GLDC: variants seen among roughly 807,000 people sequenced by gnomAD.
GLDC encodes the protein glycine dehydrogenase (decarboxylating), mitochondrial.
A neutral mutation model predicts 121.3 loss-of-function variants in GLDC; 104 were observed. The observed-to-expected ratio is 0.86, with a 90% CI of 0.73 to 1.01. The LOEUF (loss-of-function observed/expected upper bound fraction) is 1.01. Among genes scored for constraint, GLDC ranks in the 50% least tolerant of loss-of-function variants. GLDC has a pLI of 0.00. For synonymous variants in GLDC, 546 were observed against 480.6 expected (o/e 1.14, Z -1.78); for missense variants, 1,429 against 1,306.6 (o/e 1.09, Z -1.44).
At chr9:6,634,781 C>T (rs1819467931) in intron 2 of GLDC, among the ~76,000 whole-genome samples, 1 of 152,130 alleles carries the variant, frequency 6.6e-6, no homozygotes, top group Non-Finnish European at 1.5e-5. Context: ...TCTCCCCTTC[C>T]ACCAAAGTTA....
chr9:6,563,522 G>A (rs1270657403), intron 16 of GLDC, among the ~76,000 whole-genome samples: 2 of 152,160 alleles, frequency 1.3e-5, no homozygotes, highest in East Asian at 3.9e-4. Flanking sequence ...CTCAGAACAT[G>A]GAAGCCATGA....
At chr9:6,633,272 T>G (rs1819429192) in intron 2 of GLDC, among the ~76,000 whole-genome samples, 4 of 152,134 alleles carry the variant, frequency 2.6e-5, no homozygotes, top group South Asian at 2.1e-4. Context: ...CCTGCCTCTC[T>G]CCTTCTGCAT....
intron 17 of GLDC, 95 bp from the exon 18 acceptor site, chr9:6,556,397 T>A: frequency 9.5e-7 from 1 of 1,053,974 alleles, no homozygotes; most frequent in African/African-American, 1.6e-5. Flanking sequence ...TGAAGAAAGA[T>A]GAAGTCTCAG....
intron 10 of GLDC, 149 bp from the exon 11 acceptor site, chr9:6,592,372 G>C: frequency 1.4e-6 from 1 of 694,428 alleles, no homozygotes; most frequent in Admixed American, 2.1e-5. Context: ...CTAAGGCTTA[G>C]AGGAAGGTGG....
In GLDC at chr9:6,645,451, C is replaced by T. The variant is rs1819727230; in HGVS notation, c.49G>A (p.Gly17Arg). The change falls in exon 1 of 25, where the codon GGG (glycine) becomes AGG (arginine). Residue 17 changes from glycine (G) to arginine (R), a missense_variant. Transcript: ENST00000321612. ...AWGLRLGRGVGGGRRLAGGSG... is the reference protein window; with the variant it reads ...AWGLRLGRGVRGGRRLAGGSG... The stretch of plus-strand genomic sequence containing the variant: ...CCCCCAGCCAGGCGGCGGCCGCCCC[C>T]GACCCCGCGGCCCAGGCGCAGCCCC... 1 of 1,257,128 alleles carries T rather than the reference C, an allele frequency of 8.0e-7. No homozygotes were observed. The highest frequency in any genetic ancestry group is 9.9e-7 in the Non-Finnish European group (1 of 1,007,942). 77.9% of individuals were successfully genotyped at this position (1,257,128 alleles called of 1,614,324 possible). A position where few individuals can be genotyped will look rare whatever the true frequency, so the allele number is the denominator to read the frequency against.
chr9:6,540,420 G>T, intron 21 of GLDC: 1 of 443,058 alleles, frequency 2.3e-6, no homozygotes, highest in African/African-American at 2.0e-5. Flanking sequence ...CAGGTGGGGG[G>T]CATTACTGAA....
At chr9:6,579,781 C>T (rs1818140150) in intron 15 of GLDC, among the ~76,000 whole-genome samples, 2 of 152,202 alleles carry the variant, frequency 1.3e-5, no homozygotes, top group South Asian at 4.1e-4. Context: ...CACGCCAGTG[C>T]CTATAACGCT....
At chr9:6,579,183 C>A (rs1253087083) in intron 15 of GLDC, among the ~76,000 whole-genome samples, 1 of 152,090 alleles carries the variant, frequency 6.6e-6, no homozygotes, top group Non-Finnish European at 1.5e-5. Context: ...ACTGATTTCA[C>A]TGGATCTTTC....
intron 24 of GLDC, 108 bp from the exon 25 acceptor site, chr9:6,533,268 C>G (rs1318748125): frequency 1.1e-6 from 1 of 938,084 alleles, no homozygotes; most frequent in Non-Finnish European, 1.8e-6. Flanking sequence ...ATCAGCCCAG[C>G]AAATATTCTG....
intron 21 of GLDC, 127 bp from the exon 22 acceptor site, chr9:6,540,273 A>G: frequency 1.4e-6 from 1 of 721,790 alleles, no homozygotes; most frequent in Non-Finnish European, 2.5e-6. Context: ...CCAAGAAGCC[A>G]TGGGCACCGG....
intron 2 of GLDC, among the ~76,000 whole-genome samples, chr9:6,644,235 ATTCCTAGATCCTTTGAGT>A (rs992755266): frequency 6.6e-6 from 1 of 151,814 alleles, no homozygotes; most frequent in African/African-American, 2.4e-5. Flanking sequence ...ACCTTAGGCA[ATTCCTAGATCCTTTGAGT>A]CTATCCGGGT....
chr9:6,618,464 C>T (rs1327855659), intron 3 of GLDC, among the ~76,000 whole-genome samples: 4 of 152,080 alleles, frequency 2.6e-5, no homozygotes, highest in African/African-American at 9.7e-5. Context: ...TGCACCACCA[C>T]GCCCAGCTAA....
chr9:6,554,612 G>T (rs1817580472), intron 19 of GLDC, 57 bp downstream of exon 19: 1 of 1,162,324 alleles, frequency 8.6e-7, no homozygotes, highest in Non-Finnish European at 1.3e-6. Context: ...GTCTATTTAG[G>T]GCCACTCCTT....
chr9:6,556,130 G>T, intron 18 of GLDC, 23 bp downstream of exon 18: 1 of 1,596,214 alleles, frequency 6.3e-7, no homozygotes. Flanking sequence ...TGGGAACTAA[G>T]GGCGGGCCTC....
At chr9:6,544,971 T>C (rs1464291404) in intron 21 of GLDC, among the ~76,000 whole-genome samples, 1 of 151,918 alleles carries the variant, frequency 6.6e-6, no homozygotes, top group Non-Finnish European at 1.5e-5. Flanking sequence ...TGGTGGTGCA[T>C]GCCTGTAATC....
intron 20 of GLDC, 95 bp from the exon 21 acceptor site, chr9:6,551,009 A>C (rs41281769): frequency 0.018 from 14,769 of 823,170 alleles, 286 homozygotes; most frequent in South Asian, 0.059. Context: ...AACTCCACCC[A>C]CAAAGGAAGG....
Position 6,610,172 on chromosome 9 carries a change from C to T in GLDC, c.635+20G>A. 6.3e-7 allele frequency: 1 copy of T among 1,592,178 alleles called. No individual in the cohort carries two copies. Among genetic ancestry groups the T allele is most frequent in the Non-Finnish European group, 8.6e-7 (1 of 1,166,486 alleles). On this transcript the variant is annotated intron_variant, in intron 4 of 24. Coordinates refer to ENST00000321612, the MANE Select transcript of GLDC (RefSeq NM_000170.3). ...AGGTGGCCCACAACTGGAATTCCAG[C>T]ACTTTGAGAGGCCTCTCACCTGTAG... is the stretch of plus-strand genomic sequence containing the variant.
chr9:6,599,838 T>C (rs1404637164), intron 8 of GLDC, among the ~76,000 whole-genome samples: 1 of 152,138 alleles, frequency 6.6e-6, no homozygotes, highest in African/African-American at 2.4e-5. Flanking sequence ...AGAGCTCATA[T>C]TTGAAAAGAG....
chr9:6,565,278 GT>G, intron 16 of GLDC, 75 bp downstream of exon 16: 2 of 996,620 alleles, frequency 2.0e-6, no homozygotes, highest in Non-Finnish European at 3.3e-6. Context: ...TGGAGGGAGT[GT>G]CCCACAGAAG....
Sources: gnomAD v4.1 joint callset for allele counts (sites outside exome capture counted in the v4.1 genomes callset) on GRCh38, gnomAD v4.1.1 for gene constraint, MANE v1.5 for transcripts, NCBI Gene and HGNC (gene_info 2026-07-23, HGNC 2026-07-21) for gene names.